DCC: variants seen among roughly 807,000 people sequenced by gnomAD.
DCC encodes DCC netrin 1 receptor.
DCC carries 58 observed loss-of-function variants against 172.5 expected under a neutral mutation model. The ratio of observed to expected loss-of-function variants is 0.34; its 90% CI spans 0.27 to 0.42. DCC has a LOEUF of 0.42. Among genes scored for constraint, DCC ranks in the 10% least tolerant of loss-of-function variants. The pLI is 1.00. For missense variants in DCC, 1,740 were observed against 1,791.0 expected (o/e 0.97, Z 0.51); for synonymous variants, 709 against 644.5 (o/e 1.10, Z -1.52).
chr18:52,695,052 C>T (rs1391292593), intron 1 of DCC, among the ~76,000 whole-genome samples: 1 of 152,116 alleles, frequency 6.6e-6, no homozygotes, highest in Non-Finnish European at 1.5e-5. Context: ...ACCATTTAGA[C>T]TCAATTTTGA....
rs184635543 is a variant in DCC, at chr18:52,828,100, C to T, written c.412+75726C>T. Among the ~76,000 whole-genome samples, 5 of 152,216 alleles carry T rather than the reference C, an allele frequency of 3.3e-5. No individual in the cohort carries two copies. In the East Asian group the frequency reaches 5.8e-4, roughly 18 times the overall value. ...CGGTTCAATTCCCACATGCCCCATGCTAATGGAACATGGTATACATTATCT... is the reference window on the plus strand; with the variant it reads ...CGGTTCAATTCCCACATGCCCCATGTTAATGGAACATGGTATACATTATCT... On this transcript the variant is annotated intron_variant, in intron 2 of 28. Transcript: ENST00000442544.
intron 2 of DCC, among the ~76,000 whole-genome samples, chr18:52,879,109 A>G (rs1167054069): frequency 1.3e-5 from 2 of 152,214 alleles, no homozygotes; most frequent in African/African-American, 4.8e-5. Flanking sequence ...GATAGAACAA[A>G]TACTATATTA....
intron 2 of DCC, among the ~76,000 whole-genome samples, chr18:52,837,299 A>G (rs956523401): frequency 7.9e-5 from 12 of 152,164 alleles, no homozygotes; most frequent in Non-Finnish European, 1.8e-4. Context: ...GCAAATTTCC[A>G]TGGCTGGCTT....
chr18:53,451,917 G>A (rs975606834), intron 23 of DCC, among the ~76,000 whole-genome samples: 5 of 152,152 alleles, frequency 3.3e-5, no homozygotes, highest in African/African-American at 1.2e-4. Context: ...TCTATGGCAG[G>A]ACAAATTTTC....
chr18:53,072,144 G>T lies in DCC; in HGVS notation c.1261+5978G>T, dbSNP rs995937174. Among the ~76,000 whole-genome samples, 7 of 152,082 alleles carry T rather than the reference G, an allele frequency of 4.6e-5. No individual in the cohort carries two copies. In the East Asian group the frequency reaches 1.4e-3, roughly 29 times the overall value. ...ACTCCATCTCAAGAAGAAAAAAAAAGAGTCAATGTGTTCTGTGTTACAAGA... is the reference window on the plus strand; with the variant it reads ...ACTCCATCTCAAGAAGAAAAAAAAATAGTCAATGTGTTCTGTGTTACAAGA... On this transcript the variant is annotated intron_variant, in intron 7 of 28. Coordinates refer to ENST00000442544, the MANE Select transcript of DCC (RefSeq NM_005215.4).
At chr18:53,059,215 C>A (rs79206023) in intron 5 of DCC, among the ~76,000 whole-genome samples, 2,848 of 152,130 alleles carry the variant, frequency 0.019, 38 homozygotes, top group Non-Finnish European at 0.029. Context: ...CTACTGGTTC[C>A]CTCCCATGAC....
rs1038279742 is a variant in DCC at position 53,520,172 on chromosome 18, C to G, written c.4112-6445C>G. Among the ~76,000 whole-genome samples, 70 of 152,090 alleles carry G rather than the reference C, an allele frequency of 4.6e-4. 2 individuals are homozygous for G. Among genetic ancestry groups the G allele is most frequent in the Non-Finnish European group, 8.8e-5 (6 of 67,990 alleles). On this transcript the variant is annotated intron_variant, in intron 27 of 28. Coordinates refer to ENST00000442544, the MANE Select transcript of DCC (RefSeq NM_005215.4). ...ATTTCAATGTCAAAGTCTTTGAAAT[C>G]TAGGAAAGCTTCATGTGGAGGAACA... is the stretch of plus-strand genomic sequence containing the variant.
intron 1 of DCC, among the ~76,000 whole-genome samples, chr18:52,548,217 C>A (rs911727824): frequency 6.6e-6 from 1 of 152,056 alleles, no homozygotes; most frequent in African/African-American, 2.4e-5. Context: ...TGGTTGCTTC[C>A]ATGATTATGC....
At chr18:53,484,532 A>C (rs8082807) in intron 25 of DCC, among the ~76,000 whole-genome samples, 58,289 of 151,632 alleles carry the variant, frequency 0.38, 11,897 homozygotes, top group East Asian at 0.54. Context: ...GGAGCTTTTC[A>C]CCTATGCTCT....
intron 15 of DCC, among the ~76,000 whole-genome samples, chr18:53,358,305 G>A (rs1465738810): frequency 1.3e-5 from 2 of 151,910 alleles, no homozygotes; most frequent in African/African-American, 2.4e-5. Context: ...TGATCATTTA[G>A]TTGACATTAA....
chr18:52,982,198 A>T (rs2041222833), intron 5 of DCC, among the ~76,000 whole-genome samples: 1 of 152,182 alleles, frequency 6.6e-6, no homozygotes, highest in African/African-American at 2.4e-5. Context: ...GCAGGATTTT[A>T]AAAAGTATGG....
intron 5 of DCC, among the ~76,000 whole-genome samples, chr18:52,992,317 T>C (rs1158388768): frequency 6.6e-6 from 1 of 152,194 alleles, no homozygotes; most frequent in African/African-American, 2.4e-5. Flanking sequence ...TGAAGACAGA[T>C]TGCAGCTCAC....
intron 2 of DCC, among the ~76,000 whole-genome samples, chr18:52,868,383 C>G (rs1598882917): frequency 6.6e-6 from 1 of 152,170 alleles, no homozygotes; most frequent in African/African-American, 2.4e-5. Context: ...CCAAAGTCTT[C>G]TGTTGCCACA....
At chr18:52,927,579 A>C (rs1183888280) in intron 5 of DCC, among the ~76,000 whole-genome samples, 1 of 152,008 alleles carries the variant, frequency 6.6e-6, no homozygotes, top group Non-Finnish European at 1.5e-5. Flanking sequence ...CCAGATGATT[A>C]GTCTCTATTA....
At chr18:52,766,222 G>A (rs548124710) in intron 2 of DCC, among the ~76,000 whole-genome samples, 2 of 152,328 alleles carry the variant, frequency 1.3e-5, no homozygotes, top group Admixed American at 6.5e-5. Flanking sequence ...ACTTTTGGGC[G>A]CCAGCAGGAG....
At chr18:53,511,838 C>T (rs1468452776) in intron 27 of DCC, among the ~76,000 whole-genome samples, 10 of 141,338 alleles carry the variant, frequency 7.1e-5, no homozygotes, top group Admixed American at 6.8e-4. Flanking sequence ...TGATTGCTAG[C>T]ACAGCACGGC....
intron 1 of DCC, among the ~76,000 whole-genome samples, chr18:52,669,512 A>G (rs1288429356): frequency 2.0e-5 from 3 of 152,264 alleles, no homozygotes; most frequent in African/African-American, 7.2e-5. Context: ...CTTAAAGGTT[A>G]GAACCAAGAT....
At chr18:52,529,238 A>G (rs2032074588) in intron 1 of DCC, among the ~76,000 whole-genome samples, 1 of 152,178 alleles carries the variant, frequency 6.6e-6, no homozygotes, top group Non-Finnish European at 1.5e-5. Flanking sequence ...AGAAAGAGCA[A>G]TCCCATTCCT....
chr18:52,994,856 G>A (rs770475913), intron 5 of DCC, among the ~76,000 whole-genome samples: 24 of 152,058 alleles, frequency 1.6e-4, no homozygotes, highest in Admixed American at 2.6e-4. Flanking sequence ...ATGGGCATAC[G>A]TATGGTTAAA....
Sources: gnomAD v4.1 joint callset for allele counts (sites outside exome capture counted in the v4.1 genomes callset) on GRCh38, gnomAD v4.1.1 for gene constraint, MANE v1.5 for transcripts, NCBI Gene and HGNC (gene_info 2026-07-23, HGNC 2026-07-21) for gene names.